The following ICA1L variants were observed in gnomAD, a reference collection of about 807,000 sequenced individuals.
ICA1L encodes islet cell autoantigen 1 like, also known as islet cell autoantigen 1-like protein.
ICA1L carries 50 observed loss-of-function variants against 61.3 expected under a neutral mutation model. That is an observed-to-expected ratio of 0.82 (90% CI 0.65 to 1.03). The LOEUF is 1.03. ICA1L is among the 50% of genes least tolerant of loss of function. The pLI is 0.00. For synonymous variants in ICA1L, 161 were observed against 191.3 expected (o/e 0.84, Z 1.31); for missense variants, 508 against 556.7 (o/e 0.91, Z 0.88).
rs1692167199 is a variant in ICA1L at position 202,774,673 on chromosome 2, T to A, written c.*4860A>T. Reference sequence around the variant, plus strand: ...GGCCTAAGACATGGGCAGGAGCCTTTGGGTCAGGGAGAAGCACACAAGAAA... The same window carrying A: ...GGCCTAAGACATGGGCAGGAGCCTTAGGGTCAGGGAGAAGCACACAAGAAA... On this transcript the variant is annotated 3_prime_UTR_variant, in exon 13 of 13. Coordinates refer to ENST00000358299, the MANE Select transcript of ICA1L (RefSeq NM_001288622.3). 1 of 199,758 alleles carries A rather than the reference T, an allele frequency of 5.0e-6. No individual in the cohort carries two copies. The highest frequency in any genetic ancestry group is 2.3e-5 in the African/African-American group (1 of 43,050). The allele number at this position is 199,758 out of a possible 1,614,324, so 12.4% of individuals were successfully genotyped here. A position where few individuals can be genotyped will look rare whatever the true frequency, so the allele number is the denominator to read the frequency against.
At chr2:202,808,591 C>G (rs983491627) in intron 9 of ICA1L, among the ~76,000 whole-genome samples, 3 of 152,036 alleles carry the variant, frequency 2.0e-5, no homozygotes, top group Non-Finnish European at 2.9e-5. Context: ...TGGTAGAGCC[C>G]TTGGGCCTTG....
intron 10 of ICA1L, among the ~76,000 whole-genome samples, chr2:202,796,276 C>A (rs1692923510): frequency 6.6e-6 from 1 of 152,000 alleles, no homozygotes; most frequent in African/African-American, 2.4e-5. Flanking sequence ...AAAGATTAAC[C>A]AATTGGACTG....
chr2:202,834,132 G>GT (rs1694085409), intron 1 of ICA1L, among the ~76,000 whole-genome samples: 1 of 152,050 alleles, frequency 6.6e-6, no homozygotes, highest in African/African-American at 2.4e-5. Context: ...TGTTTCAAAC[G>GT]TAATGTACAT....
intron 12 of ICA1L, among the ~76,000 whole-genome samples, chr2:202,779,994 G>C (rs1376676668): frequency 6.6e-6 from 1 of 151,890 alleles, no homozygotes; most frequent in East Asian, 1.9e-4. Context: ...TTGATGAGGT[G>C]CCTATATTTA....
intron 1 of ICA1L, chr2:202,870,639 C>T (rs1280691971): frequency 6.6e-6 from 1 of 152,160 alleles, no homozygotes; most frequent in Non-Finnish European, 1.5e-5. Context: ...AAAGTAATAT[C>T]GTCTTACAGT....
At chr2:202,841,541 T>G in intron 1 of ICA1L, 1 of 719,836 alleles carries the variant, frequency 1.4e-6, no homozygotes, top group Non-Finnish European at 2.6e-6. Context: ...CACCTCCAGG[T>G]TAAGGGGGCT....
chr2:202,866,252 T>C (rs1172216049), intron 1 of ICA1L, among the ~76,000 whole-genome samples: 2 of 152,190 alleles, frequency 1.3e-5, no homozygotes, highest in South Asian at 2.1e-4. Context: ...TCTTACTCTC[T>C]AAGTTCATGT....
chr2:202,846,938 G>A lies in ICA1L; in HGVS notation c.-7-17922C>T, dbSNP rs114112950. Among the ~76,000 whole-genome samples the A allele has an allele frequency of 9.2e-3, 1,400 of 152,170 alleles. 15 individuals are homozygous for A. The highest frequency in any genetic ancestry group is 0.032 in the African/African-American group (1,320 of 41,508). On this transcript the variant is annotated intron_variant, in intron 1 of 12. Coordinates refer to ENST00000358299, the MANE Select transcript of ICA1L (RefSeq NM_001288622.3). ...GTCTCCCCCTCTCCTGCTAACAATC[G>A]AACACCTAATTAATAACAGAAATAG...
At chr2:202,852,133 GT>G (rs1694642996) in intron 1 of ICA1L, among the ~76,000 whole-genome samples, 1 of 152,098 alleles carries the variant, frequency 6.6e-6, no homozygotes, top group Non-Finnish European at 1.5e-5. Context: ...GGTTTTTATG[GT>G]TTTAGGTCTA....
intron 3 of ICA1L, 92 bp downstream of exon 3, chr2:202,825,603 C>T (rs1693820662): frequency 3.1e-6 from 4 of 1,305,740 alleles, no homozygotes; most frequent in Non-Finnish European, 3.0e-6. Context: ...AAGCTATTCA[C>T]AAAATTGTTT....
intron 1 of ICA1L, among the ~76,000 whole-genome samples, chr2:202,838,533 C>T (rs1694216136): frequency 6.6e-6 from 1 of 152,106 alleles, no homozygotes; most frequent in African/African-American, 2.4e-5. Flanking sequence ...TTAAAGTCTC[C>T]TATTATTGCA....
intron 1 of ICA1L, among the ~76,000 whole-genome samples, chr2:202,837,281 TG>T (rs1694179874): frequency 6.6e-6 from 1 of 151,952 alleles, no homozygotes; most frequent in East Asian, 1.9e-4. Flanking sequence ...TTTCCGTTGT[TG>T]TTTTTTTTTG....
At chr2:202,826,840 T>C (rs2105857642) in intron 2 of ICA1L, among the ~76,000 whole-genome samples, 1 of 152,220 alleles carries the variant, frequency 6.6e-6, no homozygotes, top group South Asian at 2.1e-4. Context: ...GGTACTGCTA[T>C]ATAATATTAA....
chr2:202,808,159 CAAG>C (rs1693276472), intron 9 of ICA1L, among the ~76,000 whole-genome samples: 1 of 152,108 alleles, frequency 6.6e-6, no homozygotes, highest in Non-Finnish European at 1.5e-5. Context: ...GGTAGAGAAC[CAAG>C]AAGTCACCTG....
chr2:202,795,849 C>T (rs1164077518), intron 10 of ICA1L, among the ~76,000 whole-genome samples: 1 of 151,786 alleles, frequency 6.6e-6, no homozygotes, highest in Non-Finnish European at 1.5e-5. Flanking sequence ...TCGAGGCCAG[C>T]CTGGCCACAT....
intron 1 of ICA1L, among the ~76,000 whole-genome samples, chr2:202,830,634 C>T (rs1266794340): frequency 6.6e-6 from 1 of 152,062 alleles, no homozygotes; most frequent in African/African-American, 2.4e-5. Flanking sequence ...CCAGGCACAT[C>T]GATACATGCT....
chr2:202,811,798 A>T lies in ICA1L; in HGVS notation c.867-9T>A. 6.3e-7 allele frequency: 1 copy of T among 1,594,120 alleles called. No individual in the cohort carries two copies. The highest frequency in any genetic ancestry group is 8.6e-7 in the Non-Finnish European group (1 of 1,163,756). On this transcript the variant is annotated splice_polypyrimidine_tract_variant and intron_variant, in intron 8 of 12. Transcript: ENST00000358299. ...CATCAGACAAAACTAGCCTGAAGTAAAAACAAAAAAAAATGTAGATTTTTT... is the reference window on the plus strand; with the variant it reads ...CATCAGACAAAACTAGCCTGAAGTATAAACAAAAAAAAATGTAGATTTTTT...
At chr2:202,869,382 A>G (rs566373046) in intron 1 of ICA1L, among the ~76,000 whole-genome samples, 1 of 152,294 alleles carries the variant, frequency 6.6e-6, no homozygotes, top group East Asian at 1.9e-4. Flanking sequence ...GAAATAAAAT[A>G]AAATAAAATA....
chr2:202,845,041 T>C (rs1409952395), intron 1 of ICA1L, among the ~76,000 whole-genome samples: 1 of 152,202 alleles, frequency 6.6e-6, no homozygotes, highest in Non-Finnish European at 1.5e-5. Flanking sequence ...ATTCTATATG[T>C]CATCACATTG....
Sources: gnomAD v4.1 joint callset for allele counts (sites outside exome capture counted in the v4.1 genomes callset) on GRCh38, gnomAD v4.1.1 for gene constraint, MANE v1.5 for transcripts, NCBI Gene and HGNC (gene_info 2026-07-23, HGNC 2026-07-21) for gene names.